The following FRAS1 variants were observed in gnomAD, a reference collection of about 807,000 sequenced individuals.
FRAS1 encodes Fraser extracellular matrix complex subunit 1.
FRAS1 carries 290 observed loss-of-function variants against 435.2 expected under a neutral mutation model. The observed-to-expected ratio is 0.67, with a 90% CI of 0.61 to 0.73. The LOEUF (loss-of-function observed/expected upper bound fraction) is 0.73, where lower values mean the gene tolerates loss of function less well. Ranked by LOEUF, FRAS1 falls within the 30% of genes least tolerant of loss-of-function variation. The probability of loss-of-function intolerance (pLI) is 0.00; values close to 1 mark genes in which losing one functional copy is unlikely to be tolerated. For missense variants in FRAS1, 4,860 were observed against 5,001.5 expected (o/e 0.97, Z 0.85); for synonymous variants, 1,800 against 1,851.0 (o/e 0.97, Z 0.71).
intron 3 of FRAS1, among the ~76,000 whole-genome samples, chr4:78,240,928 T>A (rs1724975516): frequency 6.6e-6 from 1 of 152,128 alleles, no homozygotes; most frequent in Non-Finnish European, 1.5e-5. Context: ...CCAGAAAGTT[T>A]GTATTAACCG....
At chr4:78,089,439 G>A (rs7670625) in intron 2 of FRAS1, among the ~76,000 whole-genome samples, 122,629 of 151,964 alleles carry the variant, frequency 0.81, 49,584 homozygotes, top group East Asian at 0.95. Context: ...TAATAATAAA[G>A]TTAAAAAAAA....
At chr4:78,510,994 A>G (rs527598117) in intron 63 of FRAS1, among the ~76,000 whole-genome samples, 1 of 152,334 alleles carries the variant, frequency 6.6e-6, no homozygotes, top group South Asian at 2.1e-4. Flanking sequence ...TAAAGAGAAC[A>G]ATACTATTAA....
chr4:78,375,709 A>C, intron 25 of FRAS1, 30 bp from the exon 26 acceptor site: 1 of 1,527,312 alleles, frequency 6.5e-7, no homozygotes, highest in Non-Finnish European at 8.8e-7. Flanking sequence ...GCCTTGATTG[A>C]GCCTCATTTA....
intron 2 of FRAS1, among the ~76,000 whole-genome samples, chr4:78,103,309 GA>G (rs1335620309): frequency 6.6e-6 from 1 of 152,078 alleles, no homozygotes; most frequent in African/African-American, 2.4e-5. Context: ...AACATACCTG[GA>G]ATCTCAAGAA....
At chr4:78,215,756 G>T (rs1723740011) in intron 2 of FRAS1, among the ~76,000 whole-genome samples, 2 of 152,132 alleles carry the variant, frequency 1.3e-5, no homozygotes, top group Non-Finnish European at 2.9e-5. Context: ...TATCCTCAAG[G>T]TTCATCCAAT....
At chr4:78,488,302 A>T (rs1390748) in intron 58 of FRAS1, among the ~76,000 whole-genome samples, 151,688 of 152,374 alleles carry the variant, frequency 1, 75,502 homozygotes, top group Middle Eastern at 1. Context: ...GTCATAAAAA[A>T]CCACATCTCT....
intron 9 of FRAS1, among the ~76,000 whole-genome samples, chr4:78,268,317 C>T (rs758518291): frequency 2.6e-4 from 40 of 152,162 alleles, no homozygotes; most frequent in Admixed American, 7.9e-4. Flanking sequence ...TGGCTGTCAT[C>T]GGCAGGGTTA....
At chr4:78,314,317 C>T (rs566117818) in intron 15 of FRAS1, among the ~76,000 whole-genome samples, 3 of 152,152 alleles carry the variant, frequency 2.0e-5, no homozygotes, top group African/African-American at 7.2e-5. Context: ...CTCCCCCACA[C>T]CTATTCTTTC....
At chr4:78,433,644 G>A (rs1009243661) in intron 38 of FRAS1, among the ~76,000 whole-genome samples, 8 of 152,090 alleles carry the variant, frequency 5.3e-5, no homozygotes, top group African/African-American at 9.7e-5. Context: ...TTCTTCTCAC[G>A]GGTCTATTCT....
chr4:78,298,460 T>C (rs1434578743), intron 14 of FRAS1, among the ~76,000 whole-genome samples: 1 of 152,122 alleles, frequency 6.6e-6, no homozygotes, highest in African/African-American at 2.4e-5. Flanking sequence ...AAGCTCAGCA[T>C]ATTCCTGTGT....
At chr4:78,323,630 G>A (rs1283943918) in intron 18 of FRAS1, among the ~76,000 whole-genome samples, 3 of 152,122 alleles carry the variant, frequency 2.0e-5, no homozygotes, top group African/African-American at 4.8e-5. Context: ...CCCCAAGGGC[G>A]CTATTCTCAT....
At chr4:78,150,861 G>A (rs1720627422) in intron 2 of FRAS1, among the ~76,000 whole-genome samples, 2 of 152,178 alleles carry the variant, frequency 1.3e-5, no homozygotes, top group Admixed American at 1.3e-4. Flanking sequence ...TGTAATCATT[G>A]GATTTCTTAT....
intron 15 of FRAS1, among the ~76,000 whole-genome samples, 193 bp downstream of exon 15, chr4:78,308,402 C>G (rs1017964910): frequency 1.3e-5 from 2 of 152,188 alleles, no homozygotes; most frequent in African/African-American, 2.4e-5. Flanking sequence ...ATTGCCCCAC[C>G]AGTCTGCTAG....
At chr4:78,314,200 T>G (rs1560648334) in intron 15 of FRAS1, among the ~76,000 whole-genome samples, 2 of 152,156 alleles carry the variant, frequency 1.3e-5, no homozygotes, top group Admixed American at 1.3e-4. Flanking sequence ...AATTTTTAGT[T>G]TCAACAATTG....
intron 2 of FRAS1, chr4:78,181,315 A>C (rs1481917011): frequency 1.2e-6 from 2 of 1,608,146 alleles, no homozygotes; most frequent in Non-Finnish European, 1.7e-6. Flanking sequence ...CTTCACCTTC[A>C]GGTGTTTCGT....
chr4:78,105,897 T>A (rs1742396758), intron 2 of FRAS1, among the ~76,000 whole-genome samples: 1 of 136,150 alleles, frequency 7.3e-6, no homozygotes, highest in Admixed American at 7.6e-5. Flanking sequence ...GCGCGCACCG[T>A]GCGCGAGCCG....
At chr4:78,302,421 G>T (rs1314546562) in intron 14 of FRAS1, among the ~76,000 whole-genome samples, 1 of 151,924 alleles carries the variant, frequency 6.6e-6, no homozygotes, top group Non-Finnish European at 1.5e-5. Flanking sequence ...GATCCCTGAG[G>T]AATCGCCACA....
At chr4:78,112,140 A>C (rs907961945) in intron 2 of FRAS1, among the ~76,000 whole-genome samples, 4 of 152,174 alleles carry the variant, frequency 2.6e-5, no homozygotes, top group African/African-American at 9.6e-5. Flanking sequence ...TTTAGATAAG[A>C]ATTCTCCAAA....
At chr4:78,337,087 G>A (rs75549509) in intron 19 of FRAS1, among the ~76,000 whole-genome samples, 3,612 of 152,262 alleles carry the variant, frequency 0.024, 166 homozygotes, top group African/African-American at 0.082. Context: ...GGCAGCTCAC[G>A]ATAACCTCCA....
Sources: gnomAD v4.1 joint callset for allele counts (sites outside exome capture counted in the v4.1 genomes callset) on GRCh38, gnomAD v4.1.1 for gene constraint, MANE v1.5 for transcripts, NCBI Gene and HGNC (gene_info 2026-07-23, HGNC 2026-07-21) for gene names.